Variants in CDK13 observed in about 807,000 individuals in gnomAD.
CDK13 encodes cyclin dependent kinase 13.
In CDK13, 40 loss-of-function variants were observed where a neutral mutation model predicts 137.6. That is an observed-to-expected ratio of 0.29 (90% CI 0.23 to 0.38). CDK13 has a LOEUF of 0.38. CDK13 is among the 10% of genes least tolerant of loss of function. The pLI is 1.00. For missense variants in CDK13, 1,704 were observed against 1,951.8 expected (o/e 0.87, Z 2.39); for synonymous variants, 869 against 760.1 (o/e 1.14, Z -2.36).
chr7:39,992,363 A>G (rs1784481948), intron 2 of CDK13, among the ~76,000 whole-genome samples: 1 of 151,940 alleles, frequency 6.6e-6, no homozygotes, highest in African/African-American at 2.4e-5. Context: ...ATGCCCAGCT[A>G]AATTTTGTAT....
intron 5 of CDK13, among the ~76,000 whole-genome samples, chr7:40,005,672 A>T (rs1333082323): frequency 6.6e-6 from 1 of 152,164 alleles, no homozygotes; most frequent in African/African-American, 2.4e-5. Context: ...TCACCAAGTC[A>T]TGGGTATATT....
At chr7:40,068,346 C>A (rs7797651) in intron 9 of CDK13, among the ~76,000 whole-genome samples, 1 of 150,862 alleles carries the variant, frequency 6.6e-6, no homozygotes, top group Non-Finnish European at 1.5e-5. Flanking sequence ...CTCAGTGAAC[C>A]ATATGGGGGG....
intron 5 of CDK13, among the ~76,000 whole-genome samples, chr7:40,027,269 G>T (rs1004896732): frequency 1.3e-5 from 2 of 152,178 alleles, no homozygotes; most frequent in African/African-American, 2.4e-5. Context: ...CTCGAGCCCA[G>T]CAGGCGAAGG....
chr7:40,038,950 G>A (rs537373420), intron 5 of CDK13, among the ~76,000 whole-genome samples: 3 of 152,188 alleles, frequency 2.0e-5, no homozygotes, highest in African/African-American at 4.8e-5. Flanking sequence ...CCACCTCAGC[G>A]TCCCAAAGTG....
intron 12 of CDK13, among the ~76,000 whole-genome samples, chr7:40,089,637 C>T (rs1786871201): frequency 6.7e-6 from 1 of 150,256 alleles, no homozygotes; most frequent in African/African-American, 2.5e-5. Context: ...CCAGAAACAC[C>T]CATCTTTAAT....
intron 13 of CDK13, 39 bp downstream of exon 13, chr7:40,093,276 T>C: frequency 6.9e-7 from 1 of 1,455,792 alleles, no homozygotes; most frequent in South Asian, 1.2e-5. Context: ...ACAGCTGCAT[T>C]ACATTGTCTA....
chr7:39,982,512 G>A (rs1365424841), intron 1 of CDK13, among the ~76,000 whole-genome samples: 32 of 151,764 alleles, frequency 2.1e-4, no homozygotes, highest in African/African-American at 7.3e-4. Flanking sequence ...ATGATTTATA[G>A]TCCTTTGGGT....
In CDK13 at chr7:39,951,031, C is replaced by T. The variant is rs1787154904; in HGVS notation, c.390C>T (p.Gly130=). 7.7e-6 allele frequency: 10 copies of T among 1,293,908 alleles called. No individual in the cohort carries two copies. Among genetic ancestry groups the T allele is most frequent in the African/African-American group, 1.5e-5 (1 of 64,664 alleles). 80.2% of individuals were successfully genotyped at this position (1,293,908 alleles called of 1,614,324 possible). ...VFSLPQPQQD[G]GGGASSGGGV... ...CGCTGCCCCAGCCGCAGCAGGACGG[C>T]GGTGGCGGTGCTAGTAGCGGCGGGG... The change falls in exon 1 of 14, where the codon GGC becomes GGT. Residue 130 remains glycine, a synonymous_variant. Transcript: ENST00000181839.
At chr7:40,083,249 T>C (rs1786710829) in intron 11 of CDK13, among the ~76,000 whole-genome samples, 1 of 151,524 alleles carries the variant, frequency 6.6e-6, no homozygotes, top group African/African-American at 2.4e-5. Context: ...CGCAGGAGGA[T>C]TGCTTGAGGC....
At chr7:40,050,720 G>A (rs1247136863) in intron 7 of CDK13, among the ~76,000 whole-genome samples, 1 of 152,190 alleles carries the variant, frequency 6.6e-6, no homozygotes, top group Non-Finnish European at 1.5e-5. Flanking sequence ...CTAAATTAAT[G>A]TGGCTATTAT....
intron 1 of CDK13, among the ~76,000 whole-genome samples, chr7:39,976,649 CTA>C (rs769483587): frequency 7.9e-5 from 12 of 152,142 alleles, no homozygotes; most frequent in Non-Finnish European, 1.6e-4. Context: ...TCTAAATATA[CTA>C]TGTTTTTTTC....
In CDK13 at chr7:40,099,385, T is replaced by C. The variant is rs371459998; in HGVS notation, c.*4405T>C. On this transcript the variant is annotated 3_prime_UTR_variant, in exon 14 of 14. Transcript: ENST00000181839. ...CTAATTGTATTCAAATGAGGCTCTATAGTGAATACAGAATCACTCTTCTAA... is the reference window on the plus strand; with the variant it reads ...CTAATTGTATTCAAATGAGGCTCTACAGTGAATACAGAATCACTCTTCTAA... The C allele has an allele frequency of 6.6e-6, 1 of 152,226 alleles. No individual in the cohort carries two copies. The highest frequency in any genetic ancestry group is 6.5e-5 in the Admixed American group (1 of 15,280). The allele number at this position is 152,226 out of a possible 1,614,324, so 9.4% of individuals were successfully genotyped here.
intron 12 of CDK13, among the ~76,000 whole-genome samples, chr7:40,089,595 G>A (rs1786870328): frequency 6.6e-6 from 1 of 151,884 alleles, no homozygotes. Context: ...CTTTTTAAAA[G>A]GACCTCCACT....
At chr7:40,014,842 A>T (rs776319251) in intron 5 of CDK13, among the ~76,000 whole-genome samples, 2 of 152,156 alleles carry the variant, frequency 1.3e-5, no homozygotes, top group African/African-American at 4.8e-5. Flanking sequence ...TTAATTGATT[A>T]TAATTGTATG....
At chr7:40,083,013 G>T (rs188828159) in intron 11 of CDK13, among the ~76,000 whole-genome samples, 85 of 150,190 alleles carry the variant, frequency 5.7e-4, no homozygotes, top group Non-Finnish European at 1.1e-3. Context: ...TGAGGCACGA[G>T]AATTGCTTGA....
intron 2 of CDK13, among the ~76,000 whole-genome samples, chr7:39,995,754 TC>T (rs1450420058): frequency 2.0e-5 from 3 of 152,170 alleles, no homozygotes; most frequent in African/African-American, 7.2e-5. Flanking sequence ...ACGCCTGTAA[TC>T]CCAGCTCTCT....
intron 5 of CDK13, among the ~76,000 whole-genome samples, chr7:40,023,093 CTTT>C (rs748459820): frequency 2.9e-5 from 4 of 137,518 alleles, no homozygotes; most frequent in Admixed American, 7.3e-5. Context: ...TTATACTTAA[CTTT>C]TTTTTTTTTT....
chr7:39,956,403 T>G (rs921601106), intron 1 of CDK13, among the ~76,000 whole-genome samples: 7 of 152,252 alleles, frequency 4.6e-5, no homozygotes, highest in African/African-American at 1.7e-4. Context: ...CCGCTAACGC[T>G]AATATTTATT....
chr7:40,045,833 T>C lies in CDK13; in HGVS notation c.2354-3T>C. On this transcript the variant is annotated splice_polypyrimidine_tract_variant and splice_region_variant and intron_variant, in intron 5 of 13. Coordinates refer to ENST00000181839, the MANE Select transcript of CDK13 (RefSeq NM_003718.5). ...CTAATGTATTAATTATTCTCATTCT[T>C]AGGTGCATTTTATCTGGTGTTTGAA... 4 of 1,586,566 alleles carry C rather than the reference T, an allele frequency of 2.5e-6. No homozygotes were observed. Among genetic ancestry groups the C allele is most frequent in the South Asian group, 1.1e-5 (1 of 89,024 alleles).
Sources: allele counts gnomAD v4.1 joint callset (sites outside exome capture counted in the v4.1 genomes callset), GRCh38; gene constraint gnomAD v4.1.1; transcripts MANE v1.5; gene names NCBI Gene and HGNC (gene_info 2026-07-23, HGNC 2026-07-21).